ZNF486: variants seen among roughly 807,000 people sequenced by gnomAD.
The protein encoded by ZNF486 is KRAB box only protein 2.
In ZNF486, 12 loss-of-function variants were observed where a neutral mutation model predicts 12.8. The observed-to-expected ratio is 0.94, with a 90% confidence interval of 0.60 to 1.52. ZNF486 has a LOEUF of 1.52. Among genes scored for constraint, ZNF486 ranks in the 40% most tolerant of loss-of-function variants. The pLI is 0.00. For missense variants in ZNF486, 738 were observed against 545.0 expected, an observed-to-expected ratio of 1.35 and a Z score of -3.53; for synonymous variants, 231 against 184.9, an observed-to-expected ratio of 1.25 and a Z score of -2.02.
At chr19:20,182,811 TG>T (rs1555715777) in intron 1 of ZNF486, among the ~76,000 whole-genome samples, 1 of 152,190 alleles carries the variant, frequency 6.6e-6, no homozygotes, top group Non-Finnish European at 1.5e-5. Flanking sequence ...GGTAATCATG[TG>T]TTACTGATAC....
At chr19:20,171,992 T>TC (rs2089652884) in intron 1 of ZNF486, among the ~76,000 whole-genome samples, 1 of 152,070 alleles carries the variant, frequency 6.6e-6, no homozygotes, top group African/African-American at 2.4e-5. Context: ...TTTCCTTTTT[T>TC]TTTTTTCCTT....
chr19:20,197,723 G>A lies in ZNF486; in HGVS notation c.1013G>A (p.Ser338Asn). ...GKAFISSSIL[S>N]KHEKIHTGEK... is the part of the protein sequence containing the mutation. ...GCCTTTATTTCATCCTCGATCCTTA[G>A]TAAACATGAGAAGATTCATACGGGA... Residue 338 changes from serine to asparagine, a missense_variant, in exon 4 of 4, where the codon AGT becomes AAT. Physicochemically the swap from Ser to Asn is conservative, Grantham distance 46. Coordinates refer to ENST00000335117, the MANE Select transcript of ZNF486 (RefSeq NM_052852.4). 6.2e-7 allele frequency: 1 copy of A among 1,609,626 alleles called. No homozygotes were observed. The highest frequency in any genetic ancestry group is 8.5e-7 in the Non-Finnish European group (1 of 1,178,616).
chr19:20,175,900 A>G (rs1166910703), intron 1 of ZNF486, among the ~76,000 whole-genome samples: 28 of 143,366 alleles, frequency 2.0e-4, no homozygotes, highest in African/African-American at 6.3e-4. Flanking sequence ...ACTTCCCAGT[A>G]GGGGCGGCTG....
intron 1 of ZNF486, among the ~76,000 whole-genome samples, chr19:20,170,615 C>T (rs931820990): frequency 6.6e-5 from 10 of 151,850 alleles, no homozygotes; most frequent in African/African-American, 2.4e-4. Flanking sequence ...ACATATTCAG[C>T]TGATTTTTCT....
Position 20,197,417 on chromosome 19 carries a change from A to C in ZNF486, c.707A>C (p.Lys236Thr). The C allele has an allele frequency of 6.2e-7, 1 of 1,613,740 alleles. No individual in the cohort carries two copies. Among genetic ancestry groups the C allele is most frequent in the East Asian group, 2.2e-5 (1 of 44,848 alleles). Residue 236 changes from lysine (K) to threonine (T), a missense_variant, in exon 4 of 4, where the codon AAA (lysine) becomes ACA (threonine). Physicochemically the swap from Lys to Thr is moderately conservative, Grantham distance 78. Coordinates refer to ENST00000335117, the MANE Select transcript of ZNF486 (RefSeq NM_052852.4). ...TTHKITHTRE[K>T]PYKCEECGKV... ...CATAAGATAACTCATACTAGAGAGA[A>C]ACCCTACAAATGTGAAGAATGTGGC...
chr19:20,172,838 T>C (rs2089664507), intron 1 of ZNF486, among the ~76,000 whole-genome samples: 1 of 151,906 alleles, frequency 6.6e-6, no homozygotes, highest in Admixed American at 6.6e-5. Context: ...AGACGAGGTT[T>C]CACCCTGTTG....
intron 1 of ZNF486, among the ~76,000 whole-genome samples, chr19:20,172,889 C>T (rs2089665222): frequency 6.6e-6 from 1 of 152,188 alleles, no homozygotes; most frequent in Non-Finnish European, 1.5e-5. Context: ...GATACACCCG[C>T]CTTGGCCTCC....
chr19:20,176,053 C>G (rs577463738), intron 1 of ZNF486: 1 of 175,612 alleles, frequency 5.7e-6, no homozygotes, highest in Non-Finnish European at 1.2e-5. Context: ...GGCGGAGATG[C>G]TACTCACTTC....
chr19:20,175,660 A>G (rs1205378455), intron 1 of ZNF486, among the ~76,000 whole-genome samples: 4 of 152,214 alleles, frequency 2.6e-5, no homozygotes, highest in East Asian at 1.9e-4. Context: ...AAGGTCAGAG[A>G]TCAACAGGAT....
chr19:20,182,874 T>C (rs1379574424), intron 1 of ZNF486, among the ~76,000 whole-genome samples: 3 of 152,066 alleles, frequency 2.0e-5, no homozygotes, highest in African/African-American at 7.2e-5. Flanking sequence ...GAGAATCTCA[T>C]CTGAGAAGGA....
In ZNF486 at chr19:20,198,205, C is replaced by T. The variant is rs1280837573; in HGVS notation, c.*103C>T. 1.0e-6 allele frequency: 1 copy of T among 979,508 alleles called. No homozygotes were observed. The highest frequency in any genetic ancestry group is 1.6e-5 in the African/African-American group (1 of 60,634). The allele number at this position is 979,508 out of a possible 1,614,324, so 60.7% of individuals were successfully genotyped here. A position where few individuals can be genotyped will look rare whatever the true frequency, so the allele number is the denominator to read the frequency against. ...AATTTTGGCTCACCACAACCTCCAC[C>T]TTCTGGGTTCAAGTAACTCTCCTTA... On this transcript the variant is annotated 3_prime_UTR_variant, in exon 4 of 4. Transcript: ENST00000335117.
At chr19:20,196,482 C>T (rs190709299) in intron 3 of ZNF486, among the ~76,000 whole-genome samples, 89 of 152,278 alleles carry the variant, frequency 5.8e-4, no homozygotes, top group African/African-American at 2.1e-3. Context: ...CGGCCCATGA[C>T]CATGACTGGC....
At chr19:20,190,846 C>T (rs1180883756) in intron 3 of ZNF486, among the ~76,000 whole-genome samples, 2 of 152,144 alleles carry the variant, frequency 1.3e-5, no homozygotes, top group African/African-American at 2.4e-5. Flanking sequence ...GTTCTCCAGA[C>T]CTCATGCTGC....
At chr19:20,188,626 G>T in intron 3 of ZNF486, 1 of 395,682 alleles carries the variant, frequency 2.5e-6, no homozygotes, top group South Asian at 1.4e-4. Context: ...CAGCTTGAAT[G>T]ACAGAGTGAG....
chr19:20,192,371 C>T (rs1005454684), intron 3 of ZNF486, among the ~76,000 whole-genome samples: 1 of 152,062 alleles, frequency 6.6e-6, no homozygotes, highest in African/African-American at 2.4e-5. Context: ...AGTGCAATGG[C>T]GTGAGCTCAC....
At chr19:20,185,009 G>A (rs1205867395) in intron 2 of ZNF486, among the ~76,000 whole-genome samples, 2 of 152,116 alleles carry the variant, frequency 1.3e-5, no homozygotes, top group South Asian at 2.1e-4. Flanking sequence ...TACTCCGGAG[G>A]CTGAGGCAGG....
At chr19:20,185,090 A>T (rs1555716174) in intron 2 of ZNF486, among the ~76,000 whole-genome samples, 1 of 152,180 alleles carries the variant, frequency 6.6e-6, no homozygotes, top group African/African-American at 2.4e-5. Flanking sequence ...TAGCCTGGGC[A>T]AGAAGAGCAA....
chr19:20,191,162 A>G (rs1438406905), intron 3 of ZNF486, among the ~76,000 whole-genome samples: 1 of 152,154 alleles, frequency 6.6e-6, no homozygotes, highest in East Asian at 1.9e-4. Flanking sequence ...AGCCACATAA[A>G]TTATTTTTCT....
At chr19:20,172,794 C>T (rs1051478866) in intron 1 of ZNF486, among the ~76,000 whole-genome samples, 1 of 149,164 alleles carries the variant, frequency 6.7e-6, no homozygotes, top group Non-Finnish European at 1.5e-5. Context: ...CATGTGCCAC[C>T]ACCACACCCT....
Sources: gnomAD v4.1 joint callset for allele counts (sites outside exome capture counted in the v4.1 genomes callset) on GRCh38, gnomAD v4.1.1 for gene constraint, MANE v1.5 for transcripts, NCBI Gene and HGNC (gene_info 2026-07-23, HGNC 2026-07-21) for gene names.